The following PCLO variants were observed in gnomAD, a reference collection of about 807,000 sequenced individuals.
PCLO encodes piccolo presynaptic cytomatrix protein, also known as protein piccolo.
In PCLO, 82 loss-of-function variants were observed where a neutral mutation model predicts 427.5. The observed-to-expected ratio is 0.19, with a 90% CI of 0.16 to 0.23. The LOEUF (loss-of-function observed/expected upper bound fraction) is 0.23, where lower values mean the gene tolerates loss of function less well. Ranked by LOEUF, PCLO falls within the 10% of genes least tolerant of loss-of-function variation. The pLI is 1.00. For missense variants in PCLO, 6,239 were observed against 6,115.9 expected (o/e 1.02, Z -0.67); for synonymous variants, 2,357 against 2,155.4 (o/e 1.09, Z -2.59).
chr7:82,788,492 A>C (rs2129468328), intron 22 of PCLO, among the ~76,000 whole-genome samples: 1 of 152,104 alleles, frequency 6.6e-6, no homozygotes, highest in South Asian at 2.1e-4. Context: ...GCAACATTTA[A>C]GTCTTCCCAA....
intron 3 of PCLO, among the ~76,000 whole-genome samples, chr7:83,084,761 T>C (rs1429059733): frequency 6.6e-6 from 1 of 152,166 alleles, no homozygotes; most frequent in Non-Finnish European, 1.5e-5. Context: ...CACATCTTCT[T>C]CTTGATCAAT....
chr7:82,911,492 A>G (rs1440554601), intron 7 of PCLO, among the ~76,000 whole-genome samples: 1 of 152,108 alleles, frequency 6.6e-6, no homozygotes, highest in African/African-American at 2.4e-5. Context: ...AGTAAAATAC[A>G]AATAAGTTAT....
chr7:83,005,094 A>C (rs1191493121), intron 3 of PCLO, among the ~76,000 whole-genome samples: 1 of 151,612 alleles, frequency 6.6e-6, no homozygotes, highest in Admixed American at 6.6e-5. Context: ...AAAACAGTAT[A>C]AGTGTTTCTC....
intron 6 of PCLO, among the ~76,000 whole-genome samples, chr7:82,940,360 G>A (rs1562870064): frequency 6.6e-6 from 1 of 152,126 alleles, no homozygotes; most frequent in Non-Finnish European, 1.5e-5. Context: ...AATTAATGTT[G>A]TGATGTTGAC....
intron 9 of PCLO, among the ~76,000 whole-genome samples, chr7:82,902,317 A>G (rs1794063664): frequency 6.6e-6 from 1 of 151,864 alleles, no homozygotes; most frequent in African/African-American, 2.4e-5. Flanking sequence ...TCAGTAAACT[A>G]TCGCAAGGAC....
intron 6 of PCLO, among the ~76,000 whole-genome samples, chr7:82,925,713 C>CTTTTTTTTTTTTTTTTTTTT (rs34017885): frequency 3.8e-5 from 3 of 78,986 alleles, no homozygotes; most frequent in African/African-American, 1.5e-4. Context: ...ATTTTTGTTG[C>CTTTTTTTTTTTTTTTTTTTT]TTTTTTTTTT....
At chr7:83,038,851 T>C (rs1187086315) in intron 3 of PCLO, among the ~76,000 whole-genome samples, 1 of 151,992 alleles carries the variant, frequency 6.6e-6, no homozygotes, top group Admixed American at 6.6e-5. Flanking sequence ...ACCAGCTGTA[T>C]ATTAGGGATG....
At chr7:83,131,439 A>G (rs1420102120) in intron 3 of PCLO, among the ~76,000 whole-genome samples, 1 of 152,096 alleles carries the variant, frequency 6.6e-6, no homozygotes, top group African/African-American at 2.4e-5. Context: ...CAGCTTCCCA[A>G]CCAATGACAA....
At chr7:83,110,102 T>C (rs1790965262) in intron 3 of PCLO, among the ~76,000 whole-genome samples, 1 of 151,096 alleles carries the variant, frequency 6.6e-6, no homozygotes, top group African/African-American at 2.4e-5. Flanking sequence ...CAGTACATAC[T>C]AGATTATACA....
intron 3 of PCLO, among the ~76,000 whole-genome samples, chr7:83,014,575 T>C (rs1788161068): frequency 6.6e-6 from 1 of 151,850 alleles, no homozygotes; most frequent in Non-Finnish European, 1.5e-5. Context: ...TAGAAAGGGA[T>C]GGCTGTTCAA....
intron 1 of PCLO, among the ~76,000 whole-genome samples, chr7:83,157,770 T>C (rs1792337162): frequency 6.6e-6 from 1 of 151,962 alleles, no homozygotes; most frequent in Non-Finnish European, 1.5e-5. Flanking sequence ...TTATTTGATA[T>C]ATGAGGCTTT....
chr7:82,755,915 G>A lies in PCLO; in HGVS notation c.*2660C>T, dbSNP rs1203929739. On this transcript the variant is annotated 3_prime_UTR_variant, in exon 25 of 25. Coordinates refer to ENST00000333891, the MANE Select transcript of PCLO (RefSeq NM_033026.6). Reference sequence around the variant, plus strand: ...ACACTGGCAGGATCTTATGCTCTCTGAAGGGGAATGCTGGTGCACAAAAAG... The same window carrying A: ...ACACTGGCAGGATCTTATGCTCTCTAAAGGGGAATGCTGGTGCACAAAAAG... The A allele has an allele frequency of 6.6e-6, 1 of 152,154 alleles. No homozygotes were observed. Among genetic ancestry groups the A allele is most frequent in the Non-Finnish European group, 1.5e-5 (1 of 68,046 alleles). The allele number at this position is 152,154 out of a possible 1,614,324, so 9.4% of individuals were successfully genotyped here.
At chr7:83,012,672 A>G (rs1788112245) in intron 3 of PCLO, among the ~76,000 whole-genome samples, 3 of 149,168 alleles carry the variant, frequency 2.0e-5, no homozygotes, top group Admixed American at 6.7e-5. Context: ...TTTATATGAA[A>G]CCCCTTGGGG....
chr7:83,035,749 T>C (rs1788778742), intron 3 of PCLO, among the ~76,000 whole-genome samples: 1 of 152,188 alleles, frequency 6.6e-6, no homozygotes, highest in Admixed American at 6.5e-5. Context: ...CCAATTCTTA[T>C]GCTAAAATTT....
At position 82,827,895 on chromosome 7, in the gene PCLO, T is replaced by C. The variant is rs1449761725; in HGVS notation, c.14321A>G (p.Tyr4774Cys). ...LNPEWNQTVI[Y>C]KSISMEQLKK... ...TACCTGTTCCATGGAAATACTTTTA[T>C]AAATTACTGTTTGATTCCACTCAGG... Residue 4774 changes from tyrosine (Y) to cysteine (C), a missense_variant, in exon 17 of 25, where the codon TAT becomes TGT. Physicochemically the swap from Tyr to Cys is radical, Grantham distance 194 (BLOSUM62 -2). Around this residue, in one of 5 missense-constraint regions of PCLO, gnomAD observed 877 missense variants for 925.5 expected, o/e 0.95. Transcript: ENST00000333891. 1 of 1,587,796 alleles carries C rather than the reference T, an allele frequency of 6.3e-7. No homozygotes were observed. Among genetic ancestry groups the C allele is most frequent in the Admixed American group, 1.7e-5 (1 of 59,450 alleles).
Position 83,162,571 on chromosome 7 carries a change from C to G in PCLO, c.22G>C (p.Glu8Gln), listed in dbSNP as rs1792474018. The G allele has an allele frequency of 7.7e-6, 12 of 1,548,776 alleles. 1 individual carries two copies. The East Asian group carries it at 2.9e-4, about 38-fold the overall frequency. ...AGCCCTTCGGGGAGCCCTTCCCCTT[C>G]CAAGCTCGCCTCGTTGCCCATGGCT... MGNEASL[E>Q]GEGLPEGLAA... The change falls in exon 1 of 25, where the codon GAA becomes CAA. Residue 8 changes from glutamate to glutamine, a missense_variant. Coordinates refer to ENST00000333891, the MANE Select transcript of PCLO (RefSeq NM_033026.6).
At chr7:82,776,207 A>G (rs1240496782) in intron 22 of PCLO, among the ~76,000 whole-genome samples, 17 of 152,226 alleles carry the variant, frequency 1.1e-4, no homozygotes, top group Admixed American at 1.1e-3. Context: ...AACCAATACT[A>G]CGTTAAATAT....
At chr7:82,927,116 C>G (rs541020099) in intron 6 of PCLO, among the ~76,000 whole-genome samples, 39 of 152,266 alleles carry the variant, frequency 2.6e-4, no homozygotes, top group African/African-American at 6.7e-4. Context: ...AGCATTCACA[C>G]TCTAACAAGA....
chr7:83,162,817 A>G lies in PCLO; in HGVS notation c.-225T>C. 1 of 588,592 alleles carries G rather than the reference A, an allele frequency of 1.7e-6. No individual in the cohort carries two copies. The highest frequency in any genetic ancestry group is 3.1e-5 in the East Asian group (1 of 32,148). The allele number at this position is 588,592 out of a possible 1,614,324, so 36.5% of individuals were successfully genotyped here. A position where few individuals can be genotyped will look rare whatever the true frequency, so the allele number is the denominator to read the frequency against. On this transcript the variant is annotated 5_prime_UTR_variant, in exon 1 of 25. Coordinates refer to ENST00000333891, the MANE Select transcript of PCLO (RefSeq NM_033026.6). ...TGCCTCCTCCATGTTGGACAGCGCC[A>G]GGCAACCTTTGCAGAAGACACCTCC... is the stretch of plus-strand genomic sequence containing the variant.
Sources: allele counts gnomAD v4.1 joint callset (sites outside exome capture counted in the v4.1 genomes callset), GRCh38; gene constraint gnomAD v4.1.1; regional missense constraint gnomAD v4.1.1; transcripts MANE v1.5; gene names NCBI Gene and HGNC (gene_info 2026-07-23, HGNC 2026-07-21).